ACTR3C: variants seen among roughly 807,000 people sequenced by gnomAD.
ACTR3C encodes actin-related protein 3C.
Under a neutral mutation model 26.3 loss-of-function variants are expected in ACTR3C, and 18 were observed. The observed-to-expected ratio is 0.68, with a 90% CI of 0.47 to 1.01. The LOEUF (loss-of-function observed/expected upper bound fraction) is 1.01. Ranked by LOEUF, ACTR3C falls within the 50% of genes least tolerant of loss-of-function variation. ACTR3C has a pLI of 0.00. For synonymous variants in ACTR3C, 55 were observed against 94.5 expected (o/e 0.58, Z 2.42); for missense variants, 184 against 250.7 (o/e 0.73, Z 1.80).
At chr7:150,241,923 G>C (rs1379327065), downstream of ACTR3C, among the ~76,000 whole-genome samples, 1 of 152,078 alleles carries the variant, frequency 6.6e-6, no homozygotes, top group Non-Finnish European at 1.5e-5. Context: ...ACTGTATTAA[G>C]ATACCACTTT....
chr7:150,147,185 A>G, the ACTR3C span, among the ~76,000 whole-genome samples: 1 of 152,190 alleles, frequency 6.6e-6, no homozygotes, highest in Non-Finnish European at 1.5e-5. Flanking sequence ...GGCATATGAA[A>G]ATATCATTCC....
At chr7:150,133,918 G>T in the ACTR3C span, among the ~76,000 whole-genome samples, 1 of 151,968 alleles carries the variant, frequency 6.6e-6, no homozygotes, top group Non-Finnish European at 1.5e-5. Context: ...TTCTATTTTT[G>T]GTAGAGATGG....
At chr7:150,292,341 T>A (rs1836337846) in intron 3 of ACTR3C, among the ~76,000 whole-genome samples, 1 of 152,120 alleles carries the variant, frequency 6.6e-6, no homozygotes, top group Non-Finnish European at 1.5e-5. Context: ...CCAAAAAAAA[T>A]GAATTTAAGA....
At chr7:150,090,534 G>A in the ACTR3C span, among the ~76,000 whole-genome samples, 5 of 151,354 alleles carry the variant, frequency 3.3e-5, no homozygotes, top group Admixed American at 1.3e-4. Flanking sequence ...AAGCTAAGTC[G>A]GATGGGCCTC....
At chr7:150,126,677 T>C in the ACTR3C span, among the ~76,000 whole-genome samples, 3 of 152,190 alleles carry the variant, frequency 2.0e-5, no homozygotes, top group East Asian at 5.8e-4. Flanking sequence ...TGCTTTGCCT[T>C]GGACAGAAAA....
At chr7:149,950,051 C>T in the ACTR3C span, among the ~76,000 whole-genome samples, 1 of 148,626 alleles carries the variant, frequency 6.7e-6, no homozygotes, top group Non-Finnish European at 1.5e-5. Context: ...CAGGGCCCTG[C>T]CTGGCAGCCG....
Position 150,315,151 on chromosome 7 carries a change from T to C in ACTR3C, c.-52+8318A>G, listed in dbSNP as rs570911620. 5.7e-3 allele frequency among the ~76,000 whole-genome samples: 841 copies of C among 148,624 alleles called. 6 individuals carry two copies. The highest frequency in any genetic ancestry group is 0.02 in the African/African-American group (803 of 40,948). The stretch of plus-strand genomic sequence containing the variant: ...GTATAATAAATAATATTTATTATTA[T>C]TTTAAAAATACATACAAGTGATGAA... On this transcript the variant is annotated intron_variant, in intron 1 of 7. Transcript: ENST00000683684.
the ACTR3C span, among the ~76,000 whole-genome samples, chr7:150,195,306 G>T: frequency 6.6e-6 from 1 of 151,472 alleles, no homozygotes; most frequent in African/African-American, 2.4e-5. Context: ...GAGCAATTAG[G>T]TATAAAAAAC....
chr7:150,273,864 C>A (rs1834642583), intron 6 of ACTR3C, among the ~76,000 whole-genome samples: 1 of 152,050 alleles, frequency 6.6e-6, no homozygotes, highest in Non-Finnish European at 1.5e-5. Context: ...AGCCTGGCAA[C>A]CCCTCCTTCC....
chr7:150,161,222 A>ATATATATT, the ACTR3C span, among the ~76,000 whole-genome samples: 10 of 120,408 alleles, frequency 8.3e-5, no homozygotes, highest in South Asian at 2.5e-4. Flanking sequence ...ATATATATAT[A>ATATATATT]TATTTATTAT....
chr7:150,038,475 A>C, the ACTR3C span, among the ~76,000 whole-genome samples: 2,517 of 118,338 alleles, frequency 0.021, 203 homozygotes, highest in Middle Eastern at 0.044. Flanking sequence ...TCCCCGCCCC[A>C]TTTGTGACCT....
chr7:150,235,868 G>C, the ACTR3C span, among the ~76,000 whole-genome samples: 2 of 152,030 alleles, frequency 1.3e-5, no homozygotes, highest in Non-Finnish European at 2.9e-5. Context: ...TAAAATTTCG[G>C]TGACAATTTC....
chr7:150,173,838 A>G, the ACTR3C span, among the ~76,000 whole-genome samples: 9 of 149,068 alleles, frequency 6.0e-5, no homozygotes, highest in South Asian at 2.1e-4. Flanking sequence ...AAGTTCCACA[A>G]ATCCCTAGGG....
the ACTR3C span, among the ~76,000 whole-genome samples, chr7:150,141,873 C>T: frequency 6.6e-6 from 1 of 151,872 alleles, no homozygotes; most frequent in East Asian, 2.0e-4. Flanking sequence ...TGAGCTGAGG[C>T]CCTGAAGGAA....
rs1403661254 is a variant in ACTR3C at position 150,299,466 on chromosome 7, A to T, written c.-51-4119T>A. On this transcript the variant is annotated intron_variant, in intron 1 of 7. Coordinates refer to ENST00000683684, the MANE Select transcript of ACTR3C (RefSeq NM_001164458.2). ...TGGACAACATAGAGACCCCCTCTCAAAAAAAAAAAAAAAAAAAAAAAAAAA... is the reference window on the plus strand; with the variant it reads ...TGGACAACATAGAGACCCCCTCTCATAAAAAAAAAAAAAAAAAAAAAAAAA... 5.2e-4 allele frequency among the ~76,000 whole-genome samples: 61 copies of T among 116,338 alleles called. 1 individual carries two copies. Among genetic ancestry groups the T allele is most frequent in the Non-Finnish European group, 4.6e-4 (27 of 58,434 alleles). The allele number at this position is 116,338 out of a possible 152,430, so 76.3% of individuals were successfully genotyped here. A position where few individuals can be genotyped will look rare whatever the true frequency, so the allele number is the denominator to read the frequency against.
At chr7:150,167,018 G>GTATATA in the ACTR3C span, among the ~76,000 whole-genome samples, 57,162 of 146,926 alleles carry the variant, frequency 0.39, 13,094 homozygotes, top group Middle Eastern at 0.53. Flanking sequence ...ATTCCACTGT[G>GTATATA]TATATATATA....
chr7:150,186,408 G>A, the ACTR3C span, among the ~76,000 whole-genome samples: 1 of 152,134 alleles, frequency 6.6e-6, no homozygotes, highest in Admixed American at 6.6e-5. Context: ...ACCAGGTTGT[G>A]ATCCATCCCA....
the ACTR3C span, among the ~76,000 whole-genome samples, chr7:149,995,337 T>C: frequency 6.6e-6 from 1 of 152,230 alleles, no homozygotes; most frequent in Non-Finnish European, 1.5e-5. Context: ...TACTCTTCTC[T>C]TTCCATTGTG....
the ACTR3C span, among the ~76,000 whole-genome samples, chr7:150,224,657 G>A: frequency 6.6e-6 from 1 of 152,096 alleles, no homozygotes; most frequent in Non-Finnish European, 1.5e-5. Flanking sequence ...TATTTGTCAA[G>A]TTTCTCCACA....
Sources: gnomAD v4.1 joint callset for allele counts (sites outside exome capture counted in the v4.1 genomes callset) on GRCh38, gnomAD v4.1.1 for gene constraint, MANE v1.5 for transcripts, NCBI Gene and HGNC (gene_info 2026-07-23, HGNC 2026-07-21) for gene names.